EML6: variants seen among roughly 807,000 people sequenced by gnomAD.
The protein encoded by EML6 is echinoderm microtubule-associated protein-like 6.
A neutral mutation model predicts 240.1 loss-of-function variants in EML6; 154 were observed. The observed-to-expected ratio is 0.64, with a 90% CI of 0.56 to 0.73. The LOEUF is 0.73. Ranked by LOEUF, EML6 falls within the 30% of genes least tolerant of loss-of-function variation. The pLI is 0.00. For synonymous variants in EML6, 1,148 were observed against 899.0 expected (o/e 1.28, Z -4.95); for missense variants, 2,964 against 2,474.6 (o/e 1.20, Z -4.20).
intron 5 of EML6, among the ~76,000 whole-genome samples, chr2:54,823,850 T>TCTCTCTCTC (rs1553387708): frequency 2.1e-4 from 15 of 72,262 alleles, no homozygotes; most frequent in Non-Finnish European, 2.9e-4. Context: ...CATTCATTCA[T>TCTCTCTCTC]TCTCTCTCTC....
chr2:54,812,729 A>G (rs1379693537), intron 2 of EML6, among the ~76,000 whole-genome samples: 1 of 152,194 alleles, frequency 6.6e-6, no homozygotes, highest in Non-Finnish European at 1.5e-5. Flanking sequence ...ATCTATAGCA[A>G]CAGACACAGA....
chr2:54,756,656 C>A (rs1002501812), intron 2 of EML6, among the ~76,000 whole-genome samples: 3 of 151,106 alleles, frequency 2.0e-5, no homozygotes, highest in African/African-American at 7.3e-5. Flanking sequence ...TACAAAAAGC[C>A]TTTTTTTTGA....
intron 8 of EML6, among the ~76,000 whole-genome samples, chr2:54,845,800 C>G (rs922828096): frequency 1.3e-5 from 2 of 152,090 alleles, no homozygotes; most frequent in Non-Finnish European, 2.9e-5. Context: ...GGGATGTGCC[C>G]CATCCCTTCT....
At chr2:54,938,305 C>T (rs144128527) in intron 28 of EML6, among the ~76,000 whole-genome samples, 1 of 151,874 alleles carries the variant, frequency 6.6e-6, no homozygotes, top group Non-Finnish European at 1.5e-5. Flanking sequence ...AACTCCATCT[C>T]AAAAAAAAGT....
chr2:54,871,966 G>C (rs1043735724), intron 16 of EML6, among the ~76,000 whole-genome samples: 11 of 152,176 alleles, frequency 7.2e-5, no homozygotes, highest in Non-Finnish European at 1.3e-4. Flanking sequence ...GTCTGGCAGT[G>C]ACTCAGAACA....
chr2:54,901,681 T>G (rs1467435123), intron 22 of EML6, among the ~76,000 whole-genome samples: 1 of 152,218 alleles, frequency 6.6e-6, no homozygotes, highest in Non-Finnish European at 1.5e-5. Flanking sequence ...TGTATTTTCA[T>G]TGTCTCAGTA....
At chr2:54,811,397 C>T (rs936339781) in intron 2 of EML6, among the ~76,000 whole-genome samples, 1 of 152,212 alleles carries the variant, frequency 6.6e-6, no homozygotes, top group Non-Finnish European at 1.5e-5. Context: ...CGTGAATCCC[C>T]TTTGCACCTT....
chr2:54,791,572 A>G (rs1448364713), intron 2 of EML6, among the ~76,000 whole-genome samples: 1 of 152,224 alleles, frequency 6.6e-6, no homozygotes, highest in Admixed American at 6.5e-5. Context: ...TAATTAGAAG[A>G]AAGAATGGCT....
chr2:54,952,710 A>T lies in EML6; in HGVS notation c.4312+18A>T. 6.6e-7 allele frequency: 1 copy of T among 1,518,450 alleles called. No homozygotes were observed. Among genetic ancestry groups the T allele is most frequent in the Non-Finnish European group, 9.0e-7 (1 of 1,117,306 alleles). 94.1% of individuals were successfully genotyped at this position (1,518,450 alleles called of 1,614,324 possible). ...CCAGATAGGTAGGAGGTCCTGTGGCAGCTGAGGCTCTCCCAGCTTGCAGGG... is the reference window on the plus strand; with the variant it reads ...CCAGATAGGTAGGAGGTCCTGTGGCTGCTGAGGCTCTCCCAGCTTGCAGGG... On this transcript the variant is annotated intron_variant, in intron 31 of 41. Coordinates refer to ENST00000356458, the MANE Select transcript of EML6 (RefSeq NM_001039753.4).
rs555075756 is a variant in EML6, at chr2:54,954,500, G to A, written c.4486+344G>A. 5.3e-5 allele frequency among the ~76,000 whole-genome samples: 8 copies of A among 152,296 alleles called. No homozygotes were observed. In the East Asian group the frequency reaches 9.7e-4, roughly 18 times the overall value. ...TCCTACCCAAGGGTCCTTGTCTTCC[G>A]TGCTCTTTCTGATGGCCCCTGGATC... On this transcript the variant is annotated intron_variant, in intron 32 of 41. Transcript: ENST00000356458.
At chr2:54,882,289 T>TTTTTTTTTTTTTTC (rs139746296) in intron 17 of EML6, 1 of 145,462 alleles carries the variant, frequency 6.9e-6, no homozygotes, top group African/African-American at 2.6e-5. Flanking sequence ...TTTTTTTTTT[T>TTTTTTTTTTTTTTC]CCCTAAAGAT....
chr2:54,940,355 G>A (rs1220168440), intron 28 of EML6, among the ~76,000 whole-genome samples: 1 of 152,142 alleles, frequency 6.6e-6, no homozygotes, highest in Non-Finnish European at 1.5e-5. Context: ...TGGGGTTTCA[G>A]AGATTTTTTT....
At chr2:54,824,695 T>C (rs1325282780) in intron 5 of EML6, among the ~76,000 whole-genome samples, 1 of 152,132 alleles carries the variant, frequency 6.6e-6, no homozygotes, top group Admixed American at 6.5e-5. Flanking sequence ...CTTCACTGGT[T>C]TTATAGCAAA....
chr2:54,752,649 A>G (rs1222006849), intron 2 of EML6, among the ~76,000 whole-genome samples: 2 of 152,218 alleles, frequency 1.3e-5, no homozygotes, highest in South Asian at 4.1e-4. Context: ...TCATTGCTGT[A>G]TAGTATTCTA....
At chr2:54,946,069 T>C (rs1296606318) in intron 28 of EML6, among the ~76,000 whole-genome samples, 1 of 152,218 alleles carries the variant, frequency 6.6e-6, no homozygotes, top group African/African-American at 2.4e-5. Context: ...TTGGCAGGCT[T>C]CTCCTGCTCT....
At position 54,957,698 on chromosome 2, in the gene EML6, G is replaced by A. The variant is rs1360224555; in HGVS notation, c.4487-92G>A. 12 of 1,112,388 alleles carry A rather than the reference G, an allele frequency of 1.1e-5. No individual in the cohort carries two copies. The African/African-American group carries it at 1.1e-4, about 10-fold the overall frequency. 68.9% of individuals were successfully genotyped at this position (1,112,388 alleles called of 1,614,324 possible). ...AAAGAAGAACTGAGGCATGGCTTAC[G>A]CCTGCTGGGGTGGAGACCTCCTGGG... On this transcript the variant is annotated intron_variant, in intron 32 of 41. Coordinates refer to ENST00000356458, the MANE Select transcript of EML6 (RefSeq NM_001039753.4).
chr2:54,906,172 C>T (rs1016836477), intron 24 of EML6, among the ~76,000 whole-genome samples: 9 of 152,254 alleles, frequency 5.9e-5, no homozygotes, highest in Admixed American at 2.6e-4. Context: ...AATCTCTCCA[C>T]ATCTTTGCCA....
chr2:54,952,125 T>C (rs1200437932), intron 30 of EML6, among the ~76,000 whole-genome samples: 1 of 152,192 alleles, frequency 6.6e-6, no homozygotes, highest in East Asian at 1.9e-4. Flanking sequence ...CAAAGGTGAT[T>C]AGTCCCTGAG....
chr2:54,966,895 C>A (rs943742790), intron 38 of EML6, 105 bp from the exon 39 acceptor site: 1 of 700,876 alleles, frequency 1.4e-6, no homozygotes, highest in Non-Finnish European at 2.4e-6. Flanking sequence ...GGAGAAAAGC[C>A]CTAGGGATGC....
Sources: allele counts gnomAD v4.1 joint callset (sites outside exome capture counted in the v4.1 genomes callset), GRCh38; gene constraint gnomAD v4.1.1; transcripts MANE v1.5; gene names NCBI Gene and HGNC (gene_info 2026-07-23, HGNC 2026-07-21).